The following PCDHGA4 variants were observed in gnomAD, a reference collection of about 807,000 sequenced individuals.
PCDHGA4 encodes the protein protocadherin gamma-A4.
PCDHGA4 carries 38 observed loss-of-function variants against 54.6 expected under a neutral mutation model. The observed-to-expected ratio is 0.70, with a 90% CI of 0.54 to 0.91. The LOEUF (loss-of-function observed/expected upper bound fraction) is 0.91. Ranked by LOEUF, PCDHGA4 falls within the 40% of genes least tolerant of loss-of-function variation. The probability of loss-of-function intolerance (pLI) is 0.00; values close to 1 mark genes in which losing one functional copy is unlikely to be tolerated. For synonymous variants in PCDHGA4, 511 were observed against 512.9 expected, an observed-to-expected ratio of 1.00 and a Z score of 0.05; for missense variants, 1,298 against 1,220.9, an observed-to-expected ratio of 1.06 and a Z score of -0.94.
At chr5:141,413,132 A>G in intron 1 of PCDHGA4, 1 of 1,542,144 alleles carries the variant, frequency 6.5e-7, no homozygotes, top group Non-Finnish European at 8.7e-7. Context: ...GAAACACACA[A>G]CGTGTCCAGT....
At chr5:141,382,871 G>C (rs764156663) in intron 1 of PCDHGA4, 22 of 1,520,388 alleles carry the variant, frequency 1.4e-5, no homozygotes, top group Admixed American at 8.9e-5. Flanking sequence ...TCCCGAGATC[G>C]GCGCCTAAGC....
chr5:141,394,171 C>T (rs115102808), intron 1 of PCDHGA4: 17,700 of 1,613,924 alleles, frequency 0.011, 141 homozygotes, highest in Non-Finnish European at 0.013. Flanking sequence ...CCTACTTTCC[C>T]TCATGCCTCC....
chr5:141,471,047 T>C (rs1270779800), intron 1 of PCDHGA4, among the ~76,000 whole-genome samples: 3 of 63,666 alleles, frequency 4.7e-5, no homozygotes. Flanking sequence ...CCAAGCCCTC[T>C]TTTTTTTTTT....
At position 141,418,763 on chromosome 5, in the gene PCDHGA4, C is replaced by G. The variant is rs914122527; in HGVS notation, c.2514+61142C>G. The stretch of plus-strand genomic sequence containing the variant: ...TCTGGATTACACTACAGGAAACATT[C>G]TAACTCAGCAGCCTTTGGATTTTGA... On this transcript the variant is annotated intron_variant, in intron 1 of 3. Coordinates refer to ENST00000571252, the MANE Select transcript of PCDHGA4 (RefSeq NM_018917.4). 5 of 1,613,728 alleles carry G rather than the reference C, an allele frequency of 3.1e-6. No homozygotes were observed. The Admixed American group carries it at 5.0e-5, about 16-fold the overall frequency.
intron 1 of PCDHGA4, among the ~76,000 whole-genome samples, chr5:141,438,340 G>A (rs1348587719): frequency 6.6e-6 from 1 of 151,522 alleles, no homozygotes; most frequent in Non-Finnish European, 1.5e-5. Flanking sequence ...TGTCATATAA[G>A]GATCTACTCT....
intron 1 of PCDHGA4, among the ~76,000 whole-genome samples, chr5:141,462,459 CTG>C (rs2099040203): frequency 6.6e-6 from 1 of 152,010 alleles, no homozygotes; most frequent in African/African-American, 2.4e-5. Flanking sequence ...TAACTGAAAA[CTG>C]TGTATTCTGC....
chr5:141,477,162 C>A lies in PCDHGA4; in HGVS notation c.2515-17645C>A, dbSNP rs147392557. ...GAGGTTGTGGATGTGAATGACAACG[C>A]CCCGGAGATCACAGTCACCTCCGTG... On this transcript the variant is annotated intron_variant, in intron 1 of 3. Transcript: ENST00000571252. This position sits in a 1 kb window ranked among gnomAD's most constrained non-coding sequence, Gnocchi z 4.9. 3.5e-5 allele frequency: 57 copies of A among 1,614,162 alleles called. No homozygotes were observed. The Middle Eastern group carries it at 9.9e-4, about 28-fold the overall frequency.
chr5:141,445,576 G>A (rs1459010134), intron 1 of PCDHGA4, among the ~76,000 whole-genome samples: 1 of 152,158 alleles, frequency 6.6e-6, no homozygotes, highest in Non-Finnish European at 1.5e-5. Flanking sequence ...TTATAGTAGG[G>A]AAGCTTCGCC....
rs755177334 is a variant in PCDHGA4, at chr5:141,403,403, C to A, written c.2514+45782C>A. On this transcript the variant is annotated intron_variant, in intron 1 of 3. Coordinates refer to ENST00000571252, the MANE Select transcript of PCDHGA4 (RefSeq NM_018917.4). ...TAACGAAATCGCGGTTCCTGGAGCA[C>A]GTTATCCACTTCCAGAAGCTATTGA... 6.2e-6 allele frequency: 10 copies of A among 1,613,948 alleles called. 1 individual carries two copies. The South Asian group carries it at 1.1e-4, about 18-fold the overall frequency.
chr5:141,471,635 A>G (rs1477641248), intron 1 of PCDHGA4: 1 of 152,224 alleles, frequency 6.6e-6, no homozygotes, highest in Non-Finnish European at 1.5e-5. Context: ...GGTATGGATT[A>G]GTAATATACT....
rs1190263838 is a variant in PCDHGA4 at position 141,355,479 on chromosome 5, G to A, written c.372G>A (p.Glu124=). 3.1e-6 allele frequency: 5 copies of A among 1,613,976 alleles called. No individual in the cohort carries two copies. The highest frequency in any genetic ancestry group is 4.2e-6 in the Non-Finnish European group (5 of 1,179,912). The change falls in exon 1 of 4, where the codon GAG becomes GAA. Residue 124 remains glutamate (E), a synonymous_variant. Transcript: ENST00000571252. The stretch of plus-strand genomic sequence containing the variant: ...TCACCGCGGGTAGGATAGACAGGGA[G>A]GAGCTCTGCGACAGATCTCCAAACT... ...TLVTAGRIDR[E]ELCDRSPNCV... is the part of the protein sequence containing the mutation.
intron 1 of PCDHGA4, chr5:141,387,565 T>C: frequency 2.3e-6 from 1 of 437,244 alleles, no homozygotes; most frequent in Non-Finnish European, 4.0e-6. Flanking sequence ...AGGCACACAA[T>C]TATAATTATT....
chr5:141,410,251 C>T, intron 1 of PCDHGA4: 1 of 1,614,016 alleles, frequency 6.2e-7, no homozygotes, highest in Non-Finnish European at 8.5e-7. Flanking sequence ...TACTCTCTGA[C>T]CCCCAGGCTG....
intron 1 of PCDHGA4, chr5:141,398,772 G>T: frequency 6.2e-7 from 1 of 1,613,910 alleles, no homozygotes; most frequent in Non-Finnish European, 8.5e-7. Flanking sequence ...TGACTGCCTT[G>T]GACGGTGGAC....
At chr5:141,400,411 T>G in intron 1 of PCDHGA4, 1 of 1,614,062 alleles carries the variant, frequency 6.2e-7, no homozygotes, top group Non-Finnish European at 8.5e-7. Flanking sequence ...GGAGTTTAAT[T>G]TCCTAAAATG....
chr5:141,438,685 G>A (rs2098051190), intron 1 of PCDHGA4, among the ~76,000 whole-genome samples: 1 of 143,314 alleles, frequency 7.0e-6, no homozygotes, highest in Non-Finnish European at 1.5e-5. Context: ...GTAGGGGATG[G>A]AGTCTTGCTC....
intron 1 of PCDHGA4, chr5:141,418,643 C>A (rs188546091): frequency 2.9e-5 from 46 of 1,614,022 alleles, no homozygotes; most frequent in Admixed American, 6.7e-5. Context: ...CACCTCCATC[C>A]TGAGAGTGAA....
intron 1 of PCDHGA4, chr5:141,374,825 C>A (rs11575953): frequency 0.017 from 27,610 of 1,613,884 alleles, 291 homozygotes; most frequent in African/African-American, 0.03. Context: ...GCCTGTCTAC[C>A]GTGTAAGTGT....
chr5:141,373,895 T>TA, intron 1 of PCDHGA4: 1 of 534,638 alleles, frequency 1.9e-6, no homozygotes, highest in Non-Finnish European at 3.1e-6. Flanking sequence ...AAACTCAAGT[T>TA]ACATCCTCCA....
Sources: gnomAD v4.1 joint callset for allele counts (sites outside exome capture counted in the v4.1 genomes callset) on GRCh38, gnomAD v4.1.1 for gene constraint, Gnocchi (gnomAD v3.1) non-coding constraint, MANE v1.5 for transcripts, NCBI Gene and HGNC (gene_info 2026-07-23, HGNC 2026-07-21) for gene names.